Variants in TBC1D19 observed in about 807,000 individuals in gnomAD.
TBC1D19 encodes the protein TBC1 domain family, member 19.
In TBC1D19, 60 loss-of-function variants were observed where a neutral mutation model predicts 89.0. That is an observed-to-expected ratio of 0.67 (90% CI 0.55 to 0.84). The LOEUF is 0.84. Ranked by LOEUF, TBC1D19 falls within the 40% of genes least tolerant of loss-of-function variation. The probability of loss-of-function intolerance (pLI) is 0.00; values close to 1 mark genes in which losing one functional copy is unlikely to be tolerated. For missense variants in TBC1D19, 500 were observed against 610.8 expected, an observed-to-expected ratio of 0.82 and a Z score of 1.91; for synonymous variants, 189 against 199.7, an observed-to-expected ratio of 0.95 and a Z score of 0.45.
At position 26,655,305 on chromosome 4, in the gene TBC1D19, G is replaced by A. The variant is rs551048185; in HGVS notation, c.481-4292G>A. 7.2e-5 allele frequency among the ~76,000 whole-genome samples: 11 copies of A among 152,358 alleles called. No homozygotes were observed. In the South Asian group the frequency reaches 2.3e-3, roughly 32 times the overall value. ...CTACTGGGGCGTGCCTCCCAGTTAA[G>A]CTACTCGGAGGTCAGGGACCCACTT... On this transcript the variant is annotated intron_variant, in intron 7 of 20. Coordinates refer to ENST00000264866, the MANE Select transcript of TBC1D19 (RefSeq NM_018317.4).
Position 26,609,060 on chromosome 4 carries a change from G to A in TBC1D19, c.100-4109G>A, listed in dbSNP as rs952871630. On this transcript the variant is annotated intron_variant, in intron 1 of 20. Transcript: ENST00000264866. ...ACTCTGGAGACTGTTGTGGGGTGGG[G>A]GGAGGGGGGAGGGGGGAGGGGTAGC... is the stretch of plus-strand genomic sequence containing the variant. Among the ~76,000 whole-genome samples, 14 of 101,928 alleles carry A rather than the reference G, an allele frequency of 1.4e-4. No homozygotes were observed. In the East Asian group the frequency reaches 4.3e-3, roughly 31 times the overall value. The allele number at this position is 101,928 out of a possible 152,430, so 66.9% of individuals were successfully genotyped here. A position where few individuals can be genotyped will look rare whatever the true frequency, so the allele number is the denominator to read the frequency against.
intron 18 of TBC1D19, among the ~76,000 whole-genome samples, chr4:26,745,525 T>TTTTA (rs1718604322): frequency 8.0e-6 from 1 of 125,316 alleles, no homozygotes; most frequent in African/African-American, 2.8e-5. Context: ...TTTTTTTTTT[T>TTTTA]GAGATGGAGT....
intron 13 of TBC1D19, among the ~76,000 whole-genome samples, chr4:26,695,442 A>G (rs1484021086): frequency 6.6e-6 from 1 of 152,212 alleles, no homozygotes; most frequent in African/African-American, 2.4e-5. Context: ...CCTGCAGGAT[A>G]TTATCCAGGA....
intron 19 of TBC1D19, among the ~76,000 whole-genome samples, chr4:26,752,099 C>T (rs1718995539): frequency 6.6e-6 from 1 of 152,056 alleles, no homozygotes; most frequent in Non-Finnish European, 1.5e-5. Flanking sequence ...GTAAAATGGG[C>T]TATTAATAGT....
At chr4:26,846,118 C>T in the TBC1D19 span, among the ~76,000 whole-genome samples, 1 of 151,616 alleles carries the variant, frequency 6.6e-6, no homozygotes, top group African/African-American at 2.4e-5. Context: ...AATATGACAT[C>T]GTGTATATAT....
intron 8 of TBC1D19, among the ~76,000 whole-genome samples, chr4:26,664,022 T>C (rs183011275): frequency 6.6e-6 from 1 of 152,352 alleles, no homozygotes; most frequent in Non-Finnish European, 1.5e-5. Flanking sequence ...TGTGGTTCAA[T>C]ATTTATTGAA....
At chr4:26,578,098 C>T (rs955339445) in intron 1 of TBC1D19, among the ~76,000 whole-genome samples, 29 of 152,128 alleles carry the variant, frequency 1.9e-4, no homozygotes, top group African/African-American at 6.5e-4. Context: ...TTGCTCTGTC[C>T]ACTACACGGA....
chr4:26,697,779 G>T (rs1430223686), intron 13 of TBC1D19, among the ~76,000 whole-genome samples: 1 of 152,164 alleles, frequency 6.6e-6, no homozygotes, highest in Non-Finnish European at 1.5e-5. Flanking sequence ...TATCTCAATA[G>T]ATGCAGGAAA....
At chr4:26,695,743 A>G (rs913926245) in intron 13 of TBC1D19, among the ~76,000 whole-genome samples, 7 of 152,250 alleles carry the variant, frequency 4.6e-5, no homozygotes, top group Non-Finnish European at 8.8e-5. Context: ...CCAGAATTTC[A>G]TATCCAGACA....
At chr4:26,740,214 T>C (rs1718273545) in intron 17 of TBC1D19, among the ~76,000 whole-genome samples, 1 of 152,188 alleles carries the variant, frequency 6.6e-6, no homozygotes, top group Non-Finnish European at 1.5e-5. Flanking sequence ...TTCTTTTACA[T>C]ATTAAAAAAA....
intron 7 of TBC1D19, among the ~76,000 whole-genome samples, chr4:26,646,550 T>C (rs1271879439): frequency 1.3e-5 from 2 of 152,170 alleles, no homozygotes; most frequent in East Asian, 1.9e-4. Context: ...TAGCAAAGAC[T>C]TGGAACCAAC....
the TBC1D19 span, among the ~76,000 whole-genome samples, chr4:26,819,379 G>C: frequency 1.3e-5 from 2 of 152,196 alleles, no homozygotes; most frequent in East Asian, 3.9e-4. Context: ...GGGTGGTTTT[G>C]CATCTGTTTC....
At chr4:26,632,907 C>G (rs1003255027) in intron 4 of TBC1D19, among the ~76,000 whole-genome samples, 34 of 152,110 alleles carry the variant, frequency 2.2e-4, no homozygotes, top group African/African-American at 7.7e-4. Flanking sequence ...GGTCTGGAAG[C>G]AGTCATCTCC....
intron 7 of TBC1D19, among the ~76,000 whole-genome samples, chr4:26,647,848 A>C (rs541124512): frequency 1.7e-3 from 256 of 152,164 alleles, no homozygotes; most frequent in African/African-American, 5.9e-3. Flanking sequence ...CCTTCTTAGT[A>C]AAGGTTTCAC....
intron 4 of TBC1D19, among the ~76,000 whole-genome samples, chr4:26,626,644 C>T (rs1053253332): frequency 6.6e-6 from 1 of 151,908 alleles, no homozygotes; most frequent in Non-Finnish European, 1.5e-5. Context: ...TCAAGATGTA[C>T]TATGTGGTTG....
chr4:26,791,564 C>T, the TBC1D19 span, among the ~76,000 whole-genome samples: 6 of 152,158 alleles, frequency 3.9e-5, no homozygotes, highest in Non-Finnish European at 5.9e-5. Context: ...AGTTGGGAGC[C>T]CAACACAGTA....
At chr4:26,791,637 G>A in the TBC1D19 span, among the ~76,000 whole-genome samples, 1 of 152,284 alleles carries the variant, frequency 6.6e-6, no homozygotes, top group East Asian at 1.9e-4. Flanking sequence ...GAAAATTCTG[G>A]ATATATTTGG....
chr4:26,665,066 G>C (rs113221914), intron 8 of TBC1D19, among the ~76,000 whole-genome samples: 3,319 of 152,192 alleles, frequency 0.022, 113 homozygotes, highest in African/African-American at 0.074. Context: ...CATAGTAGGG[G>C]ACGTGCAGTT....
At chr4:26,735,284 G>A in intron 15 of TBC1D19, among the ~76,000 whole-genome samples, 171 bp from the exon 16 acceptor site, 1 of 151,662 alleles carries the variant, frequency 6.6e-6, no homozygotes, top group East Asian at 1.9e-4. Flanking sequence ...TTTTCTGAAG[G>A]TATTAAAAAT....
Sources: gnomAD v4.1 joint callset for allele counts (sites outside exome capture counted in the v4.1 genomes callset) on GRCh38, gnomAD v4.1.1 for gene constraint, MANE v1.5 for transcripts, NCBI Gene and HGNC (gene_info 2026-07-23, HGNC 2026-07-21) for gene names.